Variants in SOX5 observed in about 807,000 individuals in gnomAD.
The protein encoded by SOX5 is transcription factor SOX-5.
In SOX5, 9 loss-of-function variants were observed where a neutral mutation model predicts 92.0. The observed-to-expected ratio is 0.10, with a 90% confidence interval of 0.06 to 0.17. The LOEUF is 0.17. Among genes scored for constraint, SOX5 ranks in the 10% least tolerant of loss-of-function variants. The probability of loss-of-function intolerance (pLI) is 1.00; values close to 1 mark genes in which losing one functional copy is unlikely to be tolerated. For synonymous variants in SOX5, 344 were observed against 336.3 expected (o/e 1.02, Z -0.25); for missense variants, 642 against 944.5 (o/e 0.68, Z 4.20).
intron 1 of SOX5, among the ~76,000 whole-genome samples, chr12:23,944,652 A>G (rs1224834639): frequency 3.3e-5 from 5 of 152,288 alleles, no homozygotes; most frequent in Middle Eastern, 6.8e-3. Context: ...GTTTATCTAC[A>G]TAGCAATCAA....
chr12:23,991,073 G>A (rs1006610891), intron 4 of SOX5, among the ~76,000 whole-genome samples: 1 of 151,816 alleles, frequency 6.6e-6, no homozygotes, highest in South Asian at 2.1e-4. Context: ...GAAGTATAAG[G>A]CTGGGTATGG....
intron 1 of SOX5, among the ~76,000 whole-genome samples, chr12:23,910,519 C>A (rs1307372681): frequency 6.6e-6 from 1 of 152,102 alleles, no homozygotes; most frequent in South Asian, 2.1e-4. Context: ...GAAGCCTAAT[C>A]CCCCAAAGAT....
chr12:24,165,606 T>C lies in SOX5; in HGVS notation c.-2+47737A>G, dbSNP rs1185876548. 2.6e-5 allele frequency among the ~76,000 whole-genome samples: 4 copies of C among 152,264 alleles called. No homozygotes were observed. The East Asian group carries it at 7.7e-4, about 29-fold the overall frequency. ...TTTGTGAAGGAGTACAAGATAACTG[T>C]ATTTCTTACAGTCTGAAAGGAAGTA... is the stretch of plus-strand genomic sequence containing the variant. On this transcript the variant is annotated intron_variant, in intron 4 of 4. Transcript: ENST00000446891.
intron 4 of SOX5, among the ~76,000 whole-genome samples, chr12:24,187,307 T>C (rs7973385): frequency 0.44 from 67,630 of 152,122 alleles, 15,662 homozygotes; most frequent in Non-Finnish European, 0.52. Flanking sequence ...TCCAACCCAC[T>C]GAAGTCCTGC....
intron 1 of SOX5, among the ~76,000 whole-genome samples, chr12:24,469,784 G>A (rs934871447): frequency 6.6e-6 from 1 of 152,092 alleles, no homozygotes; most frequent in African/African-American, 2.4e-5. Flanking sequence ...GATGAATGCT[G>A]CATACCAAAA....
chr12:24,221,520 CT>C (rs1960429983), intron 3 of SOX5, among the ~76,000 whole-genome samples: 1 of 152,180 alleles, frequency 6.6e-6, no homozygotes, highest in South Asian at 2.1e-4. Context: ...CCTCTTTCAG[CT>C]TTTAAATCTC....
intron 8 of SOX5, 146 bp from the exon 9 acceptor site, chr12:23,604,679 T>C: frequency 1.4e-6 from 1 of 719,148 alleles, no homozygotes; most frequent in Non-Finnish European, 2.2e-6. Context: ...AAAGAAGCTG[T>C]CACCTCAGAT....
intron 4 of SOX5, among the ~76,000 whole-genome samples, chr12:23,998,804 A>AG (rs1491136675): frequency 2.8e-5 from 1 of 35,538 alleles, no homozygotes; most frequent in Non-Finnish European, 6.5e-5. Context: ...ACTCAGTCTC[A>AG]AAAAAAAAAA....
chr12:24,463,492 G>GTT (rs1049556315), intron 1 of SOX5, among the ~76,000 whole-genome samples: 2 of 152,108 alleles, frequency 1.3e-5, no homozygotes, highest in Non-Finnish European at 2.9e-5. Context: ...CTGAAATACA[G>GTT]TTTGACAGCC....
chr12:24,289,453 CTTTT>C (rs71063303), intron 2 of SOX5, among the ~76,000 whole-genome samples: 9 of 98,476 alleles, frequency 9.1e-5, no homozygotes, highest in Non-Finnish European at 1.2e-4. Flanking sequence ...ACATTTGTAT[CTTTT>C]TTTTTTTTTT....
rs1252889453 is a variant in SOX5, at chr12:24,263,529, AAAAAAAAAAAAC to A, written c.-77+13675_-77+13686del. On this transcript the variant is annotated intron_variant, in intron 3 of 4. Coordinates refer to the SOX5 transcript ENST00000446891. ...GGCGACAGAGCGAGACTCCGTCTCA[AAAAAAAAAAAAC>A]AAAAAAAAAAACAAAAACAAGAAAT... is the stretch of plus-strand genomic sequence containing the variant. Among the ~76,000 whole-genome samples the A allele has an allele frequency of 2.1e-4, 30 of 141,102 alleles. 1 individual carries two copies. The highest frequency in any genetic ancestry group is 1.1e-3 in the South Asian group (5 of 4,568). The allele number at this position is 141,102 out of a possible 152,430, so 92.6% of individuals were successfully genotyped here.
chr12:24,378,020 C>T (rs1468816438), intron 1 of SOX5, among the ~76,000 whole-genome samples: 6 of 152,204 alleles, frequency 3.9e-5, no homozygotes, highest in Non-Finnish European at 5.9e-5. Context: ...CCTAAGCACA[C>T]CATGGAAACA....
At chr12:23,915,866 A>G (rs771369810) in intron 1 of SOX5, among the ~76,000 whole-genome samples, 44 of 152,252 alleles carry the variant, frequency 2.9e-4, no homozygotes, top group Middle Eastern at 3.4e-3. Flanking sequence ...AGGACTTAAG[A>G]CTTCCAGACA....
chr12:24,554,182 T>C (rs552589722), intron 1 of SOX5, among the ~76,000 whole-genome samples: 50 of 152,326 alleles, frequency 3.3e-4, no homozygotes, highest in Admixed American at 2.8e-3. Flanking sequence ...ACGTCAGCTC[T>C]TAGTAGTCCT....
At chr12:23,751,529 C>T (rs2094179966) in intron 4 of SOX5, among the ~76,000 whole-genome samples, 3 of 151,736 alleles carry the variant, frequency 2.0e-5, no homozygotes, top group South Asian at 2.1e-4. Flanking sequence ...GTTATTTAGA[C>T]GTAATTATCC....
intron 4 of SOX5, among the ~76,000 whole-genome samples, chr12:24,094,721 G>A (rs1269695490): frequency 6.6e-6 from 1 of 151,956 alleles, no homozygotes; most frequent in Non-Finnish European, 1.5e-5. Flanking sequence ...ACCATGTACT[G>A]AGCAACCCAT....
chr12:23,745,854 T>C (rs543560682), intron 4 of SOX5, among the ~76,000 whole-genome samples: 5 of 152,314 alleles, frequency 3.3e-5, no homozygotes, highest in Admixed American at 2.0e-4. Context: ...GAGAGGTAGC[T>C]GCAATAGCAG....
At chr12:23,538,794 A>ATTTTC (rs1941209915) in intron 13 of SOX5, among the ~76,000 whole-genome samples, 1 of 104,864 alleles carries the variant, frequency 9.5e-6, no homozygotes, top group Non-Finnish European at 1.8e-5. Context: ...CGAAACCAGC[A>ATTTTC]TTTTCTTTTT....
chr12:24,264,837 A>G (rs1942776736), intron 3 of SOX5, among the ~76,000 whole-genome samples: 1 of 152,240 alleles, frequency 6.6e-6, no homozygotes, highest in African/African-American at 2.4e-5. Flanking sequence ...GAATATTACA[A>G]TAACGGATGA....
Sources: gnomAD v4.1 joint callset for allele counts (sites outside exome capture counted in the v4.1 genomes callset) on GRCh38, gnomAD v4.1.1 for gene constraint, MANE v1.5 for transcripts, NCBI Gene and HGNC (gene_info 2026-07-23, HGNC 2026-07-21) for gene names.